The following OR10H4 variants were observed in gnomAD, a reference collection of about 807,000 sequenced individuals.
The protein encoded by OR10H4 is olfactory receptor 10H4.
Under a neutral mutation model 10.5 loss-of-function variants are expected in OR10H4, and 10 were observed. The ratio of observed to expected loss-of-function variants is 0.95; its 90% CI spans 0.59 to 1.62. The LOEUF is 1.62. OR10H4 is among the 40% of genes most tolerant of loss of function. The pLI is 0.00. For synonymous variants in OR10H4, 160 were observed against 149.4 expected (o/e 1.07, Z -0.52); for missense variants, 397 against 391.5 (o/e 1.01, Z -0.12).
In OR10H4 at chr19:15,949,646, A is replaced by G; in HGVS notation, c.639A>G (p.Leu213=). 6.2e-7 allele frequency: 1 copy of G among 1,614,126 alleles called. No individual in the cohort carries two copies. The highest frequency in any genetic ancestry group is 8.5e-7 in the Non-Finnish European group (1 of 1,180,014). Residue 213 remains leucine, a synonymous_variant, in exon 1 of 1, where the codon TTA becomes TTG. Coordinates refer to ENST00000322107, the MANE Select transcript of OR10H4 (RefSeq NM_001004465.1). ...GTGTCACAGCCCTGATAGGCTGTTT[A>G]TTCCTCATCATCCTCTCCTATGTCT... ...LVCVTALIGC[L]FLIILSYVFI...
Position 15,949,459 on chromosome 19 carries a change from C to A in OR10H4, c.452C>A (p.Ala151Asp). 6.2e-7 allele frequency: 1 copy of A among 1,614,238 alleles called. No individual in the cohort carries two copies. Among genetic ancestry groups the A allele is most frequent in the Non-Finnish European group, 8.5e-7 (1 of 1,180,046 alleles). The stretch of plus-strand genomic sequence containing the variant: ...GCCCATCTTGTGGCCTGTACCTGGG[C>A]TGGTGGCTCAGTCATGGGGATGATG... ...DCAHLVACTW[A>D]GGSVMGMMVT... The change falls in exon 1 of 1, where the codon GCT (alanine) becomes GAT (aspartate). Residue 151 changes from alanine to aspartate, a missense_variant. Transcript: ENST00000322107.
chr19:15,949,070 C>T lies in OR10H4; in HGVS notation c.63C>T (p.Pro21=). 6.2e-7 allele frequency: 1 copy of T among 1,614,198 alleles called. No individual in the cohort carries two copies. Among genetic ancestry groups the T allele is most frequent in the South Asian group, 1.1e-5 (1 of 91,082 alleles). ...ACCTCTTTGGCTTCTCAGCCTTCCC[C>T]CAGCACCTCCTGCCCATCTTGTTCC... is the stretch of plus-strand genomic sequence containing the variant. ...EFNLFGFSAF[P]QHLLPILFLL... is the part of the protein sequence containing the mutation. Residue 21 remains proline, a synonymous_variant, in exon 1 of 1, where the codon CCC becomes CCT. Transcript: ENST00000322107.
In OR10H4 at chr19:15,949,402, G is replaced by A. The variant is rs191127043; in HGVS notation, c.395G>A (p.Arg132His). ...TATGTGGCCATCTGCCACCCACTGC[G>A]TTACAATGTGCTCATGAGCCCCCGT... is the stretch of plus-strand genomic sequence containing the variant. Reference protein sequence around the residue: ...DRYVAICHPLRYNVLMSPRDC... With the variant: ...DRYVAICHPLHYNVLMSPRDC... The change falls in exon 1 of 1, where the codon CGT (arginine) becomes CAT (histidine). Residue 132 changes from arginine to histidine, a missense_variant. Transcript: ENST00000322107. 597 of 1,614,142 alleles carry A rather than the reference G, an allele frequency of 3.7e-4. 2 individuals carry two copies. In the East Asian group the frequency reaches 8.0e-3, roughly 22 times the overall value.
rs2089832191 is a variant in OR10H4 at position 15,949,354 on chromosome 19, T to C, written c.347T>C (p.Leu116Pro). Residue 116 changes from leucine to proline, a missense_variant, in exon 1 of 1, where the codon CTC becomes CCC. Coordinates refer to ENST00000322107, the MANE Select transcript of OR10H4 (RefSeq NM_001004465.1). Reference protein sequence around the residue: ...FMFGFTHSFLLLVMGYDRYVA... With the variant: ...FMFGFTHSFLPLVMGYDRYVA... ...TTTGGCTTCACTCACTCCTTCCTTCTCCTGGTCATGGGCTATGATCGCTAT... is the reference window on the plus strand; with the variant it reads ...TTTGGCTTCACTCACTCCTTCCTTCCCCTGGTCATGGGCTATGATCGCTAT... 1 of 1,614,090 alleles carries C rather than the reference T, an allele frequency of 6.2e-7. No individual in the cohort carries two copies. The highest frequency in any genetic ancestry group is 8.5e-7 in the Non-Finnish European group (1 of 1,180,044).
Position 15,949,637 on chromosome 19 carries a change from A to G in OR10H4, c.630A>G (p.Ile210Met). The G allele has an allele frequency of 6.2e-7, 1 of 1,614,202 alleles. No individual in the cohort carries two copies. The highest frequency in any genetic ancestry group is 8.5e-7 in the Non-Finnish European group (1 of 1,180,038). ...TGCTGGTGTGTGTCACAGCCCTGAT[A>G]GGCTGTTTATTCCTCATCATCCTCT... ...GVMLVCVTAL[I>M]GCLFLIILSY... The change falls in exon 1 of 1, where the codon ATA becomes ATG. Residue 210 changes from isoleucine to methionine, a missense_variant. Transcript: ENST00000322107.
Position 15,949,435 on chromosome 19 carries a change from C to A in OR10H4, c.428C>A (p.Ala143Asp). 6.2e-7 allele frequency: 1 copy of A among 1,614,220 alleles called. No homozygotes were observed. The highest frequency in any genetic ancestry group is 2.2e-5 in the East Asian group (1 of 44,892). ...YNVLMSPRDCAHLVACTWAGG... is the reference protein window; with the variant it reads ...YNVLMSPRDCDHLVACTWAGG... ...GTGCTCATGAGCCCCCGTGACTGTG[C>A]CCATCTTGTGGCCTGTACCTGGGCT... is the stretch of plus-strand genomic sequence containing the variant. Residue 143 changes from alanine (A) to aspartate (D), a missense_variant, in exon 1 of 1, where the codon GCC (alanine) becomes GAC (aspartate). Coordinates refer to ENST00000322107, the MANE Select transcript of OR10H4 (RefSeq NM_001004465.1).
Position 15,949,505 on chromosome 19 carries a change from C to T in OR10H4, c.498C>T (p.His166=), listed in dbSNP as rs2089833311. The change falls in exon 1 of 1, where the codon CAC becomes CAT. Residue 166 remains histidine (H), a synonymous_variant. Coordinates refer to ENST00000322107, the MANE Select transcript of OR10H4 (RefSeq NM_001004465.1). ...MGMMVTTIVF[H]LTFCGSNVIH... ...TGATGGTGACAACGATAGTTTTCCA[C>T]CTCACTTTCTGTGGGTCTAATGTGA... 10 of 1,614,218 alleles carry T rather than the reference C, an allele frequency of 6.2e-6. No individual in the cohort carries two copies. In the East Asian group the frequency reaches 1.8e-4, roughly 29 times the overall value.
chr19:15,949,611 AT>A lies in OR10H4; in HGVS notation c.605del (p.Met202SerfsTer8), dbSNP rs751807168. The A allele has an allele frequency of 6.8e-6, 11 of 1,614,048 alleles. No homozygotes were observed. The African/African-American group carries it at 1.5e-4, about 22-fold the overall frequency. On this transcript the variant is annotated frameshift_variant, in exon 1 of 1. Transcript: ENST00000322107. LOFTEE classifies it high-confidence loss of function. ...GACATCATCTGTCATCATGGGTGTG[AT>A]GCTGGTGTGTGTCACAGCCCTGATA... ...NKTSSVIMGVMLVCVTALIGC... is the reference protein window; with the variant it reads ...NKTSSVIMGVXLVCVTALIGC...
chr19:15,949,867 T>C lies in OR10H4; in HGVS notation c.860T>C (p.Leu287Pro). ...ATTYTVFTPF[L>P]SPIIFSLRNK... ...ACCTATACTGTCTTCACCCCCTTCC[T>C]TAGCCCAATCATTTTCAGCCTAAGG... The change falls in exon 1 of 1, where the codon CTT becomes CCT. Residue 287 changes from leucine (L) to proline (P), a missense_variant. Physicochemically the swap from Leu to Pro is moderately conservative, Grantham distance 98 (BLOSUM62 -3). Coordinates refer to ENST00000322107, the MANE Select transcript of OR10H4 (RefSeq NM_001004465.1). 1 of 1,614,072 alleles carries C rather than the reference T, an allele frequency of 6.2e-7. No individual in the cohort carries two copies. The highest frequency in any genetic ancestry group is 1.7e-4 in the Middle Eastern group (1 of 6,056).
chr19:15,949,928 T>C lies in OR10H4; in HGVS notation c.921T>C (p.Phe307=). 1 of 1,605,498 alleles carries C rather than the reference T, an allele frequency of 6.2e-7. No homozygotes were observed. The highest frequency in any genetic ancestry group is 8.5e-7 in the Non-Finnish European group (1 of 1,177,344). ...KELKNAINKN[F]YRKFCPPSS Reference sequence around the variant, plus strand: ...TGAAGAATGCCATAAATAAAAACTTTTACAGAAAATTCTGTCCTCCAAGTT... The same window carrying C: ...TGAAGAATGCCATAAATAAAAACTTCTACAGAAAATTCTGTCCTCCAAGTT... The change falls in exon 1 of 1, where the codon TTT becomes TTC. Residue 307 remains phenylalanine (F), a synonymous_variant. Coordinates refer to ENST00000322107, the MANE Select transcript of OR10H4 (RefSeq NM_001004465.1).
chr19:15,949,447 C>G lies in OR10H4; in HGVS notation c.440C>G (p.Ala147Gly). 1 of 1,614,202 alleles carries G rather than the reference C, an allele frequency of 6.2e-7. No homozygotes were observed. The highest frequency in any genetic ancestry group is 8.5e-7 in the Non-Finnish European group (1 of 1,180,032). Residue 147 changes from alanine (A) to glycine (G), a missense_variant, in exon 1 of 1, where the codon GCC (alanine) becomes GGC (glycine). Coordinates refer to ENST00000322107, the MANE Select transcript of OR10H4 (RefSeq NM_001004465.1). ...MSPRDCAHLV[A>G]CTWAGGSVMG... ...CCCCGTGACTGTGCCCATCTTGTGG[C>G]CTGTACCTGGGCTGGTGGCTCAGTC...
rs372336100 is a variant in OR10H4 at position 15,949,742 on chromosome 19, C to T, written c.735C>T (p.Ser245=). The part of the protein sequence containing the change: ...GRHKTFSTCV[S]HLTVVVTHYS... ...ACAAGACATTTTCTACGTGTGTATC[C>T]CACCTCACTGTGGTGGTCACGCACT... The change falls in exon 1 of 1, where the codon TCC becomes TCT. Residue 245 remains serine, a synonymous_variant. Transcript: ENST00000322107. 1.2e-6 allele frequency: 2 copies of T among 1,614,042 alleles called. No individual in the cohort carries two copies. The highest frequency in any genetic ancestry group is 1.7e-6 in the Non-Finnish European group (2 of 1,180,044).
chr19:15,949,076 C>G lies in OR10H4; in HGVS notation c.69C>G (p.His23Gln). ...TTGGCTTCTCAGCCTTCCCCCAGCA[C>G]CTCCTGCCCATCTTGTTCCTGCTGT... ...NLFGFSAFPQ[H>Q]LLPILFLLYL... Residue 23 changes from histidine to glutamine, a missense_variant, in exon 1 of 1, where the codon CAC (histidine) becomes CAG (glutamine). Transcript: ENST00000322107. 2 of 1,614,188 alleles carry G rather than the reference C, an allele frequency of 1.2e-6. No individual in the cohort carries two copies. The highest frequency in any genetic ancestry group is 1.7e-6 in the Non-Finnish European group (2 of 1,180,020).
rs1391253726 is a variant in OR10H4, at chr19:15,949,350, C to T, written c.343C>T (p.Leu115Phe). The change falls in exon 1 of 1, where the codon CTT (leucine) becomes TTT (phenylalanine). Residue 115 changes from leucine to phenylalanine, a missense_variant. Coordinates refer to ENST00000322107, the MANE Select transcript of OR10H4 (RefSeq NM_001004465.1). ...CATGTTTGGCTTCACTCACTCCTTC[C>T]TTCTCCTGGTCATGGGCTATGATCG... ...SFMFGFTHSFLLLVMGYDRYV... is the reference protein window; with the variant it reads ...SFMFGFTHSFFLLVMGYDRYV... 6.2e-7 allele frequency: 1 copy of T among 1,614,110 alleles called. No individual in the cohort carries two copies. The highest frequency in any genetic ancestry group is 8.5e-7 in the Non-Finnish European group (1 of 1,180,042).
In OR10H4 at chr19:15,949,763, G is replaced by A. The variant is rs778154274; in HGVS notation, c.756G>A (p.Thr252=). ...TCVSHLTVVV[T]HYSFASFIYL... ...TATCCCACCTCACTGTGGTGGTCAC[G>A]CACTATAGTTTTGCCTCCTTTATCT... Residue 252 remains threonine (T), a synonymous_variant, in exon 1 of 1, where the codon ACG becomes ACA. Transcript: ENST00000322107. The A allele has an allele frequency of 3.3e-5, 54 of 1,613,986 alleles. No individual in the cohort carries two copies. Among genetic ancestry groups the A allele is most frequent in the South Asian group, 3.1e-4 (28 of 91,084 alleles).
chr19:15,949,625 C>T lies in OR10H4; in HGVS notation c.618C>T (p.Val206=). 1 of 1,614,212 alleles carries T rather than the reference C, an allele frequency of 6.2e-7. No individual in the cohort carries two copies. Among genetic ancestry groups the T allele is most frequent in the Non-Finnish European group, 8.5e-7 (1 of 1,180,040 alleles). Residue 206 remains valine, a synonymous_variant, in exon 1 of 1, where the codon GTC becomes GTT. Coordinates refer to ENST00000322107, the MANE Select transcript of OR10H4 (RefSeq NM_001004465.1). The part of the protein sequence containing the change: ...SVIMGVMLVC[V]TALIGCLFLI... ...TCATGGGTGTGATGCTGGTGTGTGT[C>T]ACAGCCCTGATAGGCTGTTTATTCC...
In OR10H4 at chr19:15,949,833, A is replaced by C; in HGVS notation, c.826A>C (p.Met276Leu). The change falls in exon 1 of 1, where the codon ATG becomes CTG. Residue 276 changes from methionine to leucine, a missense_variant. Physicochemically the swap from Met to Leu is conservative, Grantham distance 15. Transcript: ENST00000322107. ...CCATTCTATGTACAGTGACGCCTTGATGGCCACCACCTATACTGTCTTCAC... is the reference window on the plus strand; with the variant it reads ...CCATTCTATGTACAGTGACGCCTTGCTGGCCACCACCTATACTGTCTTCAC... ...GLHSMYSDAL[M>L]ATTYTVFTPF... 1 of 1,614,140 alleles carries C rather than the reference A, an allele frequency of 6.2e-7. No homozygotes were observed. Among genetic ancestry groups the C allele is most frequent in the South Asian group, 1.1e-5 (1 of 91,078 alleles).
Position 15,949,621 on chromosome 19 carries a change from G to A in OR10H4, c.614G>A (p.Cys205Tyr). ...SSVIMGVMLVCVTALIGCLFL... is the reference protein window; with the variant it reads ...SSVIMGVMLVYVTALIGCLFL... ...GTCATCATGGGTGTGATGCTGGTGT[G>A]TGTCACAGCCCTGATAGGCTGTTTA... Residue 205 changes from cysteine to tyrosine, a missense_variant, in exon 1 of 1, where the codon TGT becomes TAT. Cys to Tyr is a radical substitution (Grantham distance 194). Coordinates refer to ENST00000322107, the MANE Select transcript of OR10H4 (RefSeq NM_001004465.1). 1 of 1,614,224 alleles carries A rather than the reference G, an allele frequency of 6.2e-7. No homozygotes were observed. The highest frequency in any genetic ancestry group is 8.5e-7 in the Non-Finnish European group (1 of 1,180,036).
Position 15,949,525 on chromosome 19 carries a change from A to G in OR10H4, c.518A>G (p.Asn173Ser), listed in dbSNP as rs1393229867. Residue 173 changes from asparagine to serine, a missense_variant, in exon 1 of 1, where the codon AAT becomes AGT. Asn to Ser is a conservative substitution (Grantham distance 46, BLOSUM62 1). Coordinates refer to ENST00000322107, the MANE Select transcript of OR10H4 (RefSeq NM_001004465.1). ...IVFHLTFCGS[N>S]VIHHFFCHVL... is the part of the protein sequence containing the mutation. ...TTCCACCTCACTTTCTGTGGGTCTA[A>G]TGTGATCCACCATTTTTTCTGTCAT... 6.2e-7 allele frequency: 1 copy of G among 1,614,148 alleles called. No homozygotes were observed. Among genetic ancestry groups the G allele is most frequent in the African/African-American group, 1.3e-5 (1 of 75,050 alleles).
Sources: allele counts gnomAD v4.1 joint callset, GRCh38; gene constraint gnomAD v4.1.1; transcripts MANE v1.5; gene names NCBI Gene and HGNC (gene_info 2026-07-23, HGNC 2026-07-21).